The following USP40 variants were observed in gnomAD, a reference collection of about 807,000 sequenced individuals.
USP40 encodes the protein ubiquitin carboxyl-terminal hydrolase 40.
A neutral mutation model predicts 166.2 loss-of-function variants in USP40; 143 were observed. The ratio of observed to expected loss-of-function variants is 0.86; its 90% CI spans 0.75 to 0.99. USP40 has a LOEUF of 0.99. USP40 is among the 50% of genes least tolerant of loss of function. The pLI is 0.00. For synonymous variants in USP40, 498 were observed against 524.0 expected, an observed-to-expected ratio of 0.95 and a Z score of 0.68; for missense variants, 1,444 against 1,479.7, an observed-to-expected ratio of 0.98 and a Z score of 0.40.
In USP40 at chr2:233,493,351, ACT is replaced by A. The variant is rs781744225; in HGVS notation, c.2917+72_2917+73del. 6.3e-7 allele frequency: 1 copy of A among 1,594,902 alleles called. No homozygotes were observed. The highest frequency in any genetic ancestry group is 1.1e-5 in the South Asian group (1 of 90,030). ...GTTTTAAAAATAAATATATCAATTG[ACT>A]CTCAGAGCACAGGCAGTCAATTTAC... is the stretch of plus-strand genomic sequence containing the variant. On this transcript the variant is annotated intron_variant, in intron 25 of 31. Coordinates refer to ENST00000678225, the MANE Select transcript of USP40 (RefSeq NM_001365479.2). This position sits in a 1 kb window ranked among gnomAD's most constrained non-coding sequence, Gnocchi z 4.7.
chr2:233,520,892 T>C, intron 17 of USP40, 99 bp downstream of exon 17: 1 of 1,340,136 alleles, frequency 7.5e-7, no homozygotes, highest in East Asian at 2.3e-5. Context: ...AGCTGAAGTC[T>C]ATTGAGACAA....
intron 25 of USP40, 67 bp from the exon 26 acceptor site, chr2:233,491,328 T>C: frequency 4.4e-6 from 5 of 1,134,532 alleles, no homozygotes; most frequent in Non-Finnish European, 6.5e-6. Context: ...TGAAATACAT[T>C]GCCATGTTTT....
chr2:233,519,324 T>C (rs2067486412), intron 18 of USP40: 2 of 294,636 alleles, frequency 6.8e-6, no homozygotes, highest in Non-Finnish European at 6.4e-6. Flanking sequence ...ACATTCAGTA[T>C]AGTACAACAT....
intron 11 of USP40, among the ~76,000 whole-genome samples, chr2:233,529,791 C>CT (rs1451072535): frequency 1.3e-4 from 17 of 132,572 alleles, no homozygotes; most frequent in Admixed American, 5.3e-4. Context: ...AGATTTTCAT[C>CT]TTTTTTTTTT....
In USP40 at chr2:233,560,454, G is replaced by A. The variant is rs183154649; in HGVS notation, c.268-530C>T. 4.6e-5 allele frequency among the ~76,000 whole-genome samples: 7 copies of A among 152,262 alleles called. No individual in the cohort carries two copies. In the East Asian group the frequency reaches 1.3e-3, roughly 29 times the overall value. On this transcript the variant is annotated intron_variant, in intron 3 of 31. Coordinates refer to ENST00000678225, the MANE Select transcript of USP40 (RefSeq NM_001365479.2). ...GTAGGCTAGACTTTAAGTATTTAAAGGAGAATAAGCATTTAGAAATTGTAA... is the reference window on the plus strand; with the variant it reads ...GTAGGCTAGACTTTAAGTATTTAAAAGAGAATAAGCATTTAGAAATTGTAA...
chr2:233,515,379 A>G, intron 18 of USP40, among the ~76,000 whole-genome samples: 1 of 152,230 alleles, frequency 6.6e-6, no homozygotes, highest in South Asian at 2.1e-4. Flanking sequence ...CCTTGCTAAC[A>G]CTTGGTTGAC....
intron 19 of USP40, 105 bp from the exon 20 acceptor site, chr2:233,511,902 A>G: frequency 1.0e-6 from 1 of 967,368 alleles, no homozygotes; most frequent in South Asian, 1.8e-5. Context: ...ATATCAAGAA[A>G]GAAGAAAAAT....
rs2066697495 is a variant in USP40, at chr2:233,510,040, A to G, written c.2613+9T>C. 6.4e-7 allele frequency: 1 copy of G among 1,569,386 alleles called. No homozygotes were observed. The highest frequency in any genetic ancestry group is 1.4e-5 in the African/African-American group (1 of 73,884). Reference sequence around the variant, plus strand: ...ACAGCCTCTGAAAACAAAAGGTAAAATTACTTACATCTCTCACAGATATTG... The same window carrying G: ...ACAGCCTCTGAAAACAAAAGGTAAAGTTACTTACATCTCTCACAGATATTG... On this transcript the variant is annotated intron_variant, in intron 21 of 31. Coordinates refer to ENST00000678225, the MANE Select transcript of USP40 (RefSeq NM_001365479.2).
rs1191098471 is a variant in USP40, at chr2:233,477,511, G to C, written c.3600-8C>G. The C allele has an allele frequency of 1.9e-6, 3 of 1,610,534 alleles. No homozygotes were observed. Among genetic ancestry groups the C allele is most frequent in the Non-Finnish European group, 2.5e-6 (3 of 1,178,130 alleles). On this transcript the variant is annotated splice_region_variant and splice_polypyrimidine_tract_variant and intron_variant, in intron 31 of 31. Transcript: ENST00000678225. ...TCATGGAGGGCTTCTTGGCTGCAGA[G>C]ACACAGACACTGTCATTGACTCATG...
intron 1 of USP40, among the ~76,000 whole-genome samples, chr2:233,566,111 T>C (rs902726780): frequency 1.3e-5 from 2 of 150,356 alleles, no homozygotes; most frequent in Non-Finnish European, 2.9e-5. Flanking sequence ...TAGAGCACTT[T>C]AGTACAGTCC....
intron 31 of USP40, among the ~76,000 whole-genome samples, chr2:233,479,561 CAA>C (rs1295940321): frequency 1.0e-4 from 10 of 96,272 alleles, no homozygotes; most frequent in Admixed American, 2.1e-4. Flanking sequence ...GACTCCGTCG[CAA>C]AAAAAAAAAA....
chr2:233,495,692 AGC>A (rs2065704937), intron 24 of USP40, among the ~76,000 whole-genome samples: 1 of 152,206 alleles, frequency 6.6e-6, no homozygotes, highest in Non-Finnish European at 1.5e-5. Context: ...TGCAGAGAAA[AGC>A]AGCTGCCTGT....
intron 4 of USP40, among the ~76,000 whole-genome samples, chr2:233,558,904 A>AT (rs1388897860): frequency 3.9e-5 from 6 of 152,190 alleles, no homozygotes. Context: ...TTGAAAGTCC[A>AT]TGCCTTACCT....
intron 21 of USP40, 109 bp downstream of exon 21, chr2:233,509,940 T>C (rs1266179651): frequency 4.1e-6 from 3 of 730,080 alleles, no homozygotes; most frequent in Non-Finnish European, 6.9e-6. Context: ...AAGTACACCA[T>C]ATCAGGCCTA....
intron 18 of USP40, among the ~76,000 whole-genome samples, chr2:233,515,668 G>A (rs189376873): frequency 6.6e-6 from 1 of 152,018 alleles, no homozygotes; most frequent in African/African-American, 2.4e-5. Context: ...GCTTTTTGAA[G>A]AGTAGAAGTT....
chr2:233,509,270 T>A (rs1462127903), intron 21 of USP40, among the ~76,000 whole-genome samples: 6 of 152,156 alleles, frequency 3.9e-5, no homozygotes, highest in Non-Finnish European at 8.8e-5. Flanking sequence ...CCACACTGAT[T>A]TTATTTGTCT....
intron 30 of USP40, among the ~76,000 whole-genome samples, chr2:233,481,927 G>A (rs1205877483): frequency 1.3e-5 from 2 of 152,224 alleles, no homozygotes; most frequent in African/African-American, 4.8e-5. Flanking sequence ...AGGAAGGGAA[G>A]TGCGTGTCAG....
In USP40 at chr2:233,523,142, A is replaced by C. The variant is rs528261132; in HGVS notation, c.2201+28T>G. 1.7e-5 allele frequency: 27 copies of C among 1,574,436 alleles called. 1 individual carries two copies. In the South Asian group the frequency reaches 3.0e-4, roughly 17 times the overall value. ...TACTGTAATTAAAATGACTTTTAGA[A>C]ATCCTTTTTCTCTTGTTAGCGAGTT... On this transcript the variant is annotated intron_variant, in intron 16 of 31. Transcript: ENST00000678225.
chr2:233,506,855 G>A (rs1194575096), intron 21 of USP40, among the ~76,000 whole-genome samples: 1 of 151,580 alleles, frequency 6.6e-6, no homozygotes, highest in Non-Finnish European at 1.5e-5. Flanking sequence ...AGGTTGCAGT[G>A]AGCTGAGATC....
Sources: allele counts gnomAD v4.1 joint callset (sites outside exome capture counted in the v4.1 genomes callset), GRCh38; gene constraint gnomAD v4.1.1; non-coding constraint Gnocchi (gnomAD v3.1); transcripts MANE v1.5; gene names NCBI Gene and HGNC (gene_info 2026-07-23, HGNC 2026-07-21).